The following ROR2 variants were observed in gnomAD, a reference collection of about 807,000 sequenced individuals.
ROR2 encodes the protein tyrosine-protein kinase transmembrane receptor ROR2.
In ROR2, 33 loss-of-function variants were observed where a neutral mutation model predicts 74.9. The observed-to-expected ratio is 0.44, with a 90% confidence interval of 0.33 to 0.59. ROR2 has a LOEUF of 0.59. Ranked by LOEUF, ROR2 falls within the 20% of genes least tolerant of loss-of-function variation. The pLI is 0.02. For missense variants in ROR2, 1,216 were observed against 1,313.8 expected (o/e 0.93, Z 1.15); for synonymous variants, 586 against 558.7 (o/e 1.05, Z -0.69).
At chr9:91,831,791 G>A (rs1351109958) in intron 1 of ROR2, among the ~76,000 whole-genome samples, 1 of 152,022 alleles carries the variant, frequency 6.6e-6, no homozygotes, top group Non-Finnish European at 1.5e-5. Context: ...CTCCAGCCTG[G>A]GCAACAAGAG....
intron 1 of ROR2, among the ~76,000 whole-genome samples, chr9:91,810,644 C>T (rs936783912): frequency 2.6e-5 from 4 of 152,194 alleles, no homozygotes; most frequent in Non-Finnish European, 5.9e-5. Flanking sequence ...GGACGCCTGT[C>T]CGGTCACTCT....
At chr9:91,869,815 T>A (rs1030879761) in intron 1 of ROR2, among the ~76,000 whole-genome samples, 15 of 152,190 alleles carry the variant, frequency 9.9e-5, no homozygotes, top group African/African-American at 3.6e-4. Context: ...GTGTACTAAC[T>A]TAACTAAAAT....
At chr9:91,732,983 G>C in intron 6 of ROR2, 139 bp downstream of exon 6, 1 of 847,338 alleles carries the variant, frequency 1.2e-6, no homozygotes, top group South Asian at 1.8e-5. Context: ...CTAGGCTGTG[G>C]GGCCCTCGGC....
chr9:91,858,498 A>G (rs1237033407), intron 1 of ROR2, among the ~76,000 whole-genome samples: 1 of 152,204 alleles, frequency 6.6e-6, no homozygotes, highest in Non-Finnish European at 1.5e-5. Flanking sequence ...AGCCCCAAGG[A>G]AGTCCTTAGA....
chr9:91,731,189 G>C (rs1458307183), intron 6 of ROR2, 34 bp from the exon 7 acceptor site: 3 of 1,613,270 alleles, frequency 1.9e-6, no homozygotes, highest in Non-Finnish European at 2.5e-6. Flanking sequence ...AAAACCTCCG[G>C]GGTACAACAA....
At position 91,849,289 on chromosome 9, in the gene ROR2, G is replaced by C. The variant is rs192094875; in HGVS notation, c.98-73471C>G. Among the ~76,000 whole-genome samples the C allele has an allele frequency of 1.3e-3, 202 of 152,292 alleles. 1 individual carries two copies. The highest frequency in any genetic ancestry group is 3.4e-3 in the Middle Eastern group (1 of 294). ...TTTCAACATGGAGAATCAATCCAGG[G>C]GTGAGGAAAGAGAACAAGAGATCAA... On this transcript the variant is annotated intron_variant, in intron 1 of 8. Coordinates refer to ENST00000375708, the MANE Select transcript of ROR2 (RefSeq NM_004560.4).
chr9:91,772,850 C>G (rs1367286499), intron 2 of ROR2, among the ~76,000 whole-genome samples: 1 of 152,208 alleles, frequency 6.6e-6, no homozygotes, highest in African/African-American at 2.4e-5. Context: ...GCATTCTATT[C>G]TACGCTTGAG....
At chr9:91,814,568 G>C (rs949945106) in intron 1 of ROR2, among the ~76,000 whole-genome samples, 1 of 152,154 alleles carries the variant, frequency 6.6e-6, no homozygotes, top group African/African-American at 2.4e-5. Flanking sequence ...CATTAAAGCA[G>C]ACCAGCTGTT....
rs1232142986 is a variant in ROR2 at position 91,909,842 on chromosome 9, G to GTTTT, written c.97+40021_97+40024dup. 5.2e-3 allele frequency among the ~76,000 whole-genome samples: 290 copies of GTTTT among 55,746 alleles called. 27 individuals are homozygous for GTTTT. Among genetic ancestry groups the GTTTT allele is most frequent in the Admixed American group, 7.8e-3 (29 of 3,698 alleles). The allele number at this position is 55,746 out of a possible 152,430, so 36.6% of individuals were successfully genotyped here. A position where few individuals can be genotyped will look rare whatever the true frequency, so the allele number is the denominator to read the frequency against. ...TTTATTCTTTTTTTTTTTTAGGTTTGTTTTGTTTTTTTTTTTTTTTTTTTT... is the reference window on the plus strand; with the variant it reads ...TTTATTCTTTTTTTTTTTTAGGTTTGTTTTTTTTGTTTTTTTTTTTTTTTTTTTT... On this transcript the variant is annotated intron_variant, in intron 1 of 8. Transcript: ENST00000375708.
At chr9:91,850,868 A>G (rs1477913039) in intron 1 of ROR2, among the ~76,000 whole-genome samples, 1 of 152,182 alleles carries the variant, frequency 6.6e-6, no homozygotes, top group Non-Finnish European at 1.5e-5. Context: ...TGACTTATTA[A>G]GAACGATTTT....
chr9:91,826,738 C>T lies in ROR2; in HGVS notation c.98-50920G>A, dbSNP rs371811231. Among the ~76,000 whole-genome samples, 5 of 150,362 alleles carry T rather than the reference C, an allele frequency of 3.3e-5. 1 individual carries two copies. ...GGCGGAGCTTGCAGTGAGCTGAGAT[C>T]GCGCCACTGCACTCCAGCCTGGGCA... On this transcript the variant is annotated intron_variant, in intron 1 of 8. Transcript: ENST00000375708.
At chr9:91,918,350 AC>A (rs1201351431) in intron 1 of ROR2, among the ~76,000 whole-genome samples, 2 of 150,466 alleles carry the variant, frequency 1.3e-5, no homozygotes, top group African/African-American at 4.9e-5. Flanking sequence ...ATCTGAAGCC[AC>A]CCCAACCCTA....
chr9:91,894,338 ATG>A (rs1361020865), intron 1 of ROR2, among the ~76,000 whole-genome samples: 8 of 152,162 alleles, frequency 5.3e-5, no homozygotes, highest in African/African-American at 1.9e-4. Context: ...GCATCATAAC[ATG>A]TGTGTCTGCT....
At chr9:91,885,868 C>CTTTTTTTTT (rs542499117) in intron 1 of ROR2, among the ~76,000 whole-genome samples, 1 of 108,158 alleles carries the variant, frequency 9.2e-6, no homozygotes, top group Non-Finnish European at 1.8e-5. Flanking sequence ...GTATGGTTTC[C>CTTTTTTTTT]TTTTTTTTTT....
At chr9:91,790,740 T>C (rs556238812) in intron 1 of ROR2, among the ~76,000 whole-genome samples, 2 of 152,332 alleles carry the variant, frequency 1.3e-5, no homozygotes, top group African/African-American at 4.8e-5. Context: ...CCATGTGTGC[T>C]ACTGTCCTTG....
chr9:91,780,388 AAAG>A (rs761181212), intron 1 of ROR2, among the ~76,000 whole-genome samples: 9,351 of 127,276 alleles, frequency 0.073, 511 homozygotes, highest in Admixed American at 0.18. Flanking sequence ...AAAAAAAATG[AAAG>A]AAAGAAAGAA....
chr9:91,931,339 T>C lies in ROR2; in HGVS notation c.97+18528A>G, dbSNP rs866985056. On this transcript the variant is annotated intron_variant, in intron 1 of 8. Coordinates refer to ENST00000375708, the MANE Select transcript of ROR2 (RefSeq NM_004560.4). ...TTAATTAGAAGTAAAAGGGACACTT[T>C]AAAATGATTAAGAGTAGAATTCTCA... 2.0e-5 allele frequency among the ~76,000 whole-genome samples: 3 copies of C among 152,188 alleles called. No individual in the cohort carries two copies. The South Asian group carries it at 6.2e-4, about 32-fold the overall frequency.
intron 1 of ROR2, among the ~76,000 whole-genome samples, chr9:91,782,119 G>A (rs1400816525): frequency 1.2e-4 from 19 of 152,214 alleles, no homozygotes; most frequent in South Asian, 2.1e-4. Flanking sequence ...GCCAAATGCC[G>A]CACCTCCACC....
chr9:91,742,021 T>C (rs1825268500), intron 4 of ROR2, among the ~76,000 whole-genome samples: 1 of 152,188 alleles, frequency 6.6e-6, no homozygotes, highest in African/African-American at 2.4e-5. Flanking sequence ...TTAGGCCATT[T>C]TCATACCACT....
Sources: gnomAD v4.1 joint callset for allele counts (sites outside exome capture counted in the v4.1 genomes callset) on GRCh38, gnomAD v4.1.1 for gene constraint, MANE v1.5 for transcripts, NCBI Gene and HGNC (gene_info 2026-07-23, HGNC 2026-07-21) for gene names.